Variants in SLC25A15 observed in about 807,000 individuals in gnomAD.
SLC25A15 encodes the protein mitochondrial ornithine transporter 1.
In SLC25A15, 24 loss-of-function variants were observed where a neutral mutation model predicts 32.3. The ratio of observed to expected loss-of-function variants is 0.74; its 90% CI spans 0.54 to 1.04. The LOEUF (loss-of-function observed/expected upper bound fraction) is 1.04, where lower values mean the gene tolerates loss of function less well. SLC25A15 is among the 50% of genes least tolerant of loss of function. SLC25A15 has a pLI of 0.00. For synonymous variants in SLC25A15, 132 were observed against 142.1 expected (o/e 0.93, Z 0.51); for missense variants, 317 against 374.5 (o/e 0.85, Z 1.27).
intron 2 of SLC25A15, among the ~76,000 whole-genome samples, chr13:40,795,559 G>A (rs1881641905): frequency 6.6e-6 from 1 of 152,176 alleles, no homozygotes; most frequent in Non-Finnish European, 1.5e-5. Context: ...TTCCCCCTGT[G>A]CTGGCGACAC....
At position 40,798,542 on chromosome 13, in the gene SLC25A15, A is replaced by G. The variant is rs1881748577; in HGVS notation, c.56-515A>G. 3 of 153,830 alleles carry G rather than the reference A, an allele frequency of 2.0e-5. No individual in the cohort carries two copies. The Admixed American group carries it at 2.0e-4, about 10-fold the overall frequency. 9.5% of individuals were successfully genotyped at this position (153,830 alleles called of 1,614,324 possible). ...GTCCCACTGGGCATTAGGCAAAGTG[A>G]GCGATGAAGTCTTCCCAGGTCTCCC... On this transcript the variant is annotated intron_variant, in intron 2 of 6. Coordinates refer to ENST00000338625, the MANE Select transcript of SLC25A15 (RefSeq NM_014252.4).
intron 3 of SLC25A15, among the ~76,000 whole-genome samples, chr13:40,803,430 C>G (rs1464622871): frequency 3.3e-5 from 5 of 152,222 alleles, no homozygotes; most frequent in African/African-American, 1.2e-4. Context: ...CTCAACTGAT[C>G]TGCCTGCCTT....
At chr13:40,804,772 G>A (rs1030492876) in intron 3 of SLC25A15, among the ~76,000 whole-genome samples, 6 of 150,866 alleles carry the variant, frequency 4.0e-5, no homozygotes, top group Admixed American at 3.3e-4. Flanking sequence ...GGATGGTCTC[G>A]ATCTCCTGAC....
chr13:40,806,730 T>C (rs1380187403), intron 4 of SLC25A15, among the ~76,000 whole-genome samples: 1 of 152,262 alleles, frequency 6.6e-6, no homozygotes, highest in East Asian at 1.9e-4. Flanking sequence ...ATGTGATTTC[T>C]TGGCCTGTTC....
intron 1 of SLC25A15, among the ~76,000 whole-genome samples, chr13:40,790,097 G>A (rs1593287086): frequency 1.3e-5 from 2 of 152,336 alleles, no homozygotes; most frequent in South Asian, 4.1e-4. Context: ...GACGCGCCTG[G>A]CCGGTCCTTG....
intron 2 of SLC25A15, among the ~76,000 whole-genome samples, chr13:40,795,967 C>T (rs1323706297): frequency 6.6e-6 from 1 of 152,172 alleles, no homozygotes; most frequent in Non-Finnish European, 1.5e-5. Context: ...GCTGTCTCTG[C>T]TTTAGTACTC....
chr13:40,808,931 T>TAAAAAAAAAAA (rs1882321966), intron 6 of SLC25A15, among the ~76,000 whole-genome samples: 1 of 42,802 alleles, frequency 2.3e-5, no homozygotes, highest in Non-Finnish European at 5.7e-5. Flanking sequence ...AGACTCTGTC[T>TAAAAAAAAAAA]CAAAAAAAAA....
intron 3 of SLC25A15, among the ~76,000 whole-genome samples, chr13:40,804,210 T>G (rs1882039494): frequency 6.6e-6 from 1 of 152,184 alleles, no homozygotes; most frequent in Non-Finnish European, 1.5e-5. Flanking sequence ...CTCTCTGGCC[T>G]CTTCTTCTAA....
At chr13:40,794,561 T>C (rs1477883160) in intron 2 of SLC25A15, among the ~76,000 whole-genome samples, 1 of 152,158 alleles carries the variant, frequency 6.6e-6, no homozygotes, top group Non-Finnish European at 1.5e-5. Context: ...AGCTTGAACA[T>C]GCAGGAAGAG....
intron 6 of SLC25A15, among the ~76,000 whole-genome samples, chr13:40,808,932 C>CAAAAAAAAAAAAAA (rs58015661): frequency 1.3e-5 from 1 of 78,854 alleles, no homozygotes; most frequent in Non-Finnish European, 2.5e-5. Context: ...GACTCTGTCT[C>CAAAAAAAAAAAAAA]AAAAAAAAAA....
At chr13:40,790,080 G>T (rs1364732958) in intron 1 of SLC25A15, among the ~76,000 whole-genome samples, 1 of 152,174 alleles carries the variant, frequency 6.6e-6, no homozygotes, top group Non-Finnish European at 1.5e-5. Context: ...TGCGAGGCCC[G>T]GGAGGAGACG....
At chr13:40,793,383 C>G in intron 2 of SLC25A15, 102 bp downstream of exon 2, 1 of 1,040,108 alleles carries the variant, frequency 9.6e-7, no homozygotes, top group Non-Finnish European at 1.5e-6. Context: ...TGTACCTTTT[C>G]TGTGTTTAGA....
rs556640392 is a variant in SLC25A15 at position 40,809,976 on chromosome 13, C to T, written c.*309C>T. ...AGTTCTGTCAGGGCTTTTACGTAAACCTCCACTTGTACATGCAATTTGGAC... is the reference window on the plus strand; with the variant it reads ...AGTTCTGTCAGGGCTTTTACGTAAATCTCCACTTGTACATGCAATTTGGAC... On this transcript the variant is annotated 3_prime_UTR_variant, in exon 7 of 7. Coordinates refer to ENST00000338625, the MANE Select transcript of SLC25A15 (RefSeq NM_014252.4). 2.3e-5 allele frequency: 9 copies of T among 385,500 alleles called. No homozygotes were observed. The highest frequency in any genetic ancestry group is 4.4e-5 in the Non-Finnish European group (9 of 203,458). 23.9% of individuals were successfully genotyped at this position (385,500 alleles called of 1,614,324 possible).
chr13:40,799,102 A>T lies in SLC25A15; in HGVS notation c.101A>T (p.Lys34Ile). 2 of 1,614,146 alleles carry T rather than the reference A, an allele frequency of 1.2e-6. No homozygotes were observed. The highest frequency in any genetic ancestry group is 8.5e-7 in the Non-Finnish European group (1 of 1,180,018). The stretch of plus-strand genomic sequence containing the variant: ...ACCGGGCAGCCCTTTGACACAATGA[A>T]AGTGAAGATGCAGACGTTCCCTGAC... ...VLTGQPFDTM[K>I]VKMQTFPDLY... is the part of the protein sequence containing the mutation. Residue 34 changes from lysine to isoleucine, a missense_variant, in exon 3 of 7, where the codon AAA becomes ATA. Transcript: ENST00000338625.
At chr13:40,790,667 A>G (rs930380150) in intron 1 of SLC25A15, among the ~76,000 whole-genome samples, 1 of 152,056 alleles carries the variant, frequency 6.6e-6, no homozygotes, top group Non-Finnish European at 1.5e-5. Flanking sequence ...GGCTCACCGC[A>G]ACCTCCGCCT....
intron 1 of SLC25A15, among the ~76,000 whole-genome samples, chr13:40,791,256 G>T (rs1881482785): frequency 6.6e-6 from 1 of 151,454 alleles, no homozygotes; most frequent in Admixed American, 6.6e-5. Flanking sequence ...TCTTGCTCCA[G>T]GCTTTAGTTT....
chr13:40,791,515 G>C (rs1424647078), intron 1 of SLC25A15, among the ~76,000 whole-genome samples: 1 of 151,602 alleles, frequency 6.6e-6, no homozygotes, highest in Non-Finnish European at 1.5e-5. Context: ...GCATCACCAC[G>C]CTGGGGTCAT....
At chr13:40,793,400 T>G (rs1881577060) in intron 2 of SLC25A15, 119 bp downstream of exon 2, 3 of 880,698 alleles carry the variant, frequency 3.4e-6, no homozygotes, top group Middle Eastern at 2.3e-4. Context: ...TAGATACATT[T>G]AGATACATAA....
intron 1 of SLC25A15, among the ~76,000 whole-genome samples, chr13:40,792,359 G>A (rs1881537948): frequency 6.6e-6 from 1 of 152,196 alleles, no homozygotes; most frequent in South Asian, 2.1e-4. Flanking sequence ...ATCAGAACAG[G>A]CAGAACCTCT....
Sources: allele counts gnomAD v4.1 joint callset (sites outside exome capture counted in the v4.1 genomes callset), GRCh38; gene constraint gnomAD v4.1.1; transcripts MANE v1.5; gene names NCBI Gene and HGNC (gene_info 2026-07-23, HGNC 2026-07-21).